ARHGAP45: variants seen among roughly 807,000 people sequenced by gnomAD.
ARHGAP45 encodes the protein rho GTPase-activating protein 45.
In ARHGAP45, 56 loss-of-function variants were observed where a neutral mutation model predicts 116.1. The observed-to-expected ratio is 0.48, with a 90% CI of 0.39 to 0.60. The LOEUF (loss-of-function observed/expected upper bound fraction) is 0.60, where lower values mean the gene tolerates loss of function less well. Among genes scored for constraint, ARHGAP45 ranks in the 20% least tolerant of loss-of-function variants. The pLI, the probability that ARHGAP45 is intolerant of heterozygous loss-of-function variation, is 0.00. For missense variants in ARHGAP45, 1,622 were observed against 1,601.0 expected (o/e 1.01, Z -0.22); for synonymous variants, 866 against 701.7 (o/e 1.23, Z -3.70).
At position 1,069,934 on chromosome 19, in the gene ARHGAP45, T is replaced by G. The variant is rs2043108359; in HGVS notation, c.421+1190T>G. Among the ~76,000 whole-genome samples, 1 of 151,838 alleles carries G rather than the reference T, an allele frequency of 6.6e-6. No individual in the cohort carries two copies. Among genetic ancestry groups the G allele is most frequent in the Admixed American group, 6.6e-5 (1 of 15,234 alleles). Reference sequence around the variant, plus strand: ...TGGGCTCAAGCCATCCTCCTACCTCTGCCTCCCGAGTACCTGAGACTACAG... The same window carrying G: ...TGGGCTCAAGCCATCCTCCTACCTCGGCCTCCCGAGTACCTGAGACTACAG... On this transcript the variant is annotated intron_variant, in intron 2 of 22. Transcript: ENST00000313093. This position sits in a 1 kb window ranked among gnomAD's most constrained non-coding sequence, Gnocchi z 4.1.
Position 1,083,127 on chromosome 19 carries a change from C to T in ARHGAP45, c.2745-16C>T, listed in dbSNP as rs370883332. Reference sequence around the variant, plus strand: ...CCCGGGAGCCGCTCAGCACCTGGCCCCTGCCCACCCCGCAGGATCGTGGAG... The same window carrying T: ...CCCGGGAGCCGCTCAGCACCTGGCCTCTGCCCACCCCGCAGGATCGTGGAG... On this transcript the variant is annotated splice_polypyrimidine_tract_variant and intron_variant, in intron 20 of 22. Coordinates refer to ENST00000313093, the MANE Select transcript of ARHGAP45 (RefSeq NM_012292.5). 5.2e-5 allele frequency: 83 copies of T among 1,597,292 alleles called. 1 individual carries two copies. Among genetic ancestry groups the T allele is most frequent in the Middle Eastern group, 3.3e-4 (2 of 5,984 alleles).
At position 1,071,333 on chromosome 19, in the gene ARHGAP45, C is replaced by T. The variant is rs895011687; in HGVS notation, c.422-1816C>T. The stretch of plus-strand genomic sequence containing the variant: ...CGCACCCGGTGCTGGACGAGGGCCC[C>T]GTGCGCTGCCGGGCGGGCCCCCGAG... On this transcript the variant is annotated intron_variant, in intron 2 of 22. Coordinates refer to ENST00000313093, the MANE Select transcript of ARHGAP45 (RefSeq NM_012292.5). This position sits in a 1 kb window ranked among gnomAD's most constrained non-coding sequence, Gnocchi z 4.6. The T allele has an allele frequency of 2.2e-6, 3 of 1,383,388 alleles. No individual in the cohort carries two copies. The African/African-American group carries it at 4.6e-5, about 21-fold the overall frequency. 85.7% of individuals were successfully genotyped at this position (1,383,388 alleles called of 1,614,324 possible). A position where few individuals can be genotyped will look rare whatever the true frequency, so the allele number is the denominator to read the frequency against.
intron 17 of ARHGAP45, 96 bp downstream of exon 17, chr19:1,081,160 A>C: frequency 1.5e-6 from 2 of 1,362,526 alleles, no homozygotes; most frequent in South Asian, 2.8e-5. Context: ...TGTCCGGCCC[A>C]GAGCAGGGAG....
chr19:1,079,638 GGTTTCTGTCT>G (rs2043367411), intron 11 of ARHGAP45, 55 bp from the exon 12 acceptor site: 30 of 1,570,732 alleles, frequency 1.9e-5, no homozygotes, highest in Non-Finnish European at 2.5e-5. Flanking sequence ...GCCTCCCTGA[GGTTTCTGTCT>G]GAGTCCTGCA....
rs373187546 is a variant in ARHGAP45, at chr19:1,084,222, C to T, written c.2956-16C>T. On this transcript the variant is annotated splice_polypyrimidine_tract_variant and intron_variant, in intron 21 of 22. Coordinates refer to ENST00000313093, the MANE Select transcript of ARHGAP45 (RefSeq NM_012292.5). ...GGAGCCCCGGCCCCTCTATGACTTC[C>T]GTTCTGCACTTGCAGGACGAGTCAT... is the stretch of plus-strand genomic sequence containing the variant. 5.0e-6 allele frequency: 8 copies of T among 1,610,406 alleles called. No individual in the cohort carries two copies. The highest frequency in any genetic ancestry group is 2.7e-5 in the African/African-American group (2 of 74,818).
chr19:1,083,300 G>A lies in ARHGAP45; in HGVS notation c.2902G>A (p.Val968Ile), dbSNP rs752300010. The A allele has an allele frequency of 1.3e-5, 20 of 1,578,106 alleles. No homozygotes were observed. The highest frequency in any genetic ancestry group is 1.6e-5 in the Non-Finnish European group (19 of 1,161,922). The change falls in exon 21 of 23, where the codon GTC (valine) becomes ATC (isoleucine). Residue 968 changes from valine (V) to isoleucine (I), a missense_variant. Coordinates refer to ENST00000313093, the MANE Select transcript of ARHGAP45 (RefSeq NM_012292.5). ...HQARVIETLI[V>I]HYGLVFEEEP... Reference sequence around the variant, plus strand: ...GGCCCGCGTCATCGAGACTCTCATCGTCCACTACGGCCTGGTCTTCGAGGA... The same window carrying A: ...GGCCCGCGTCATCGAGACTCTCATCATCCACTACGGCCTGGTCTTCGAGGA...
chr19:1,067,902 CA>C (rs1157802858), intron 1 of ARHGAP45, among the ~76,000 whole-genome samples: 2 of 145,928 alleles, frequency 1.4e-5, no homozygotes, highest in African/African-American at 2.6e-5. Context: ...TAATGGGATC[CA>C]CCAGGTTCAG....
chr19:1,083,583 C>T (rs2043511920), intron 21 of ARHGAP45, among the ~76,000 whole-genome samples: 1 of 152,220 alleles, frequency 6.6e-6, no homozygotes, highest in Non-Finnish European at 1.5e-5. Context: ...CCCCTCCACT[C>T]TCCCTTGGGG....
intron 2 of ARHGAP45, among the ~76,000 whole-genome samples, chr19:1,070,054 G>A (rs2043110601): frequency 1.3e-5 from 2 of 151,998 alleles, no homozygotes. Context: ...GGAGTGCAGT[G>A]GCGCGATCTC....
intron 15 of ARHGAP45, 45 bp from the exon 16 acceptor site, chr19:1,080,637 G>C (rs1325541512): frequency 1.9e-6 from 3 of 1,601,258 alleles, no homozygotes; most frequent in East Asian, 2.2e-5. Context: ...GATGGAGGGG[G>C]CCCCCCTGGC....
In ARHGAP45 at chr19:1,086,044, T is replaced by TC. The variant is rs754607130; in HGVS notation, c.*38_*39insC. ...CTGGGACCACAGGTGGCTTCTCTCT[T>TC]GCCTGCTCCTGTCCCTCCAGCACGT... is the stretch of plus-strand genomic sequence containing the variant. On this transcript the variant is annotated 3_prime_UTR_variant, in exon 23 of 23. Coordinates refer to ENST00000313093, the MANE Select transcript of ARHGAP45 (RefSeq NM_012292.5). 1.9e-6 allele frequency: 3 copies of TC among 1,551,484 alleles called. No homozygotes were observed. In the Admixed American group the frequency reaches 5.1e-5, roughly 26 times the overall value.
At position 1,077,720 on chromosome 19, in the gene ARHGAP45, A is replaced by AG. The variant is rs1259015892; in HGVS notation, c.1186-134dup. 9.3e-6 allele frequency: 14 copies of AG among 1,511,848 alleles called. 1 individual carries two copies. The South Asian group carries it at 1.7e-4, about 19-fold the overall frequency. 93.7% of individuals were successfully genotyped at this position (1,511,848 alleles called of 1,614,324 possible). On this transcript the variant is annotated intron_variant, in intron 10 of 22. Transcript: ENST00000313093. ...GTTTTTCCGCTGCCGATTGTTGTGCAGGGTCCTCTGCATGCCCAGCTGGGC... is the reference window on the plus strand; with the variant it reads ...GTTTTTCCGCTGCCGATTGTTGTGCAGGGGTCCTCTGCATGCCCAGCTGGGC...
intron 3 of ARHGAP45, 91 bp from the exon 4 acceptor site, chr19:1,073,415 T>TC: frequency 6.4e-7 from 1 of 1,558,376 alleles, no homozygotes. Flanking sequence ...TCCCTCCTGT[T>TC]CCCCCTGGGT....
intron 19 of ARHGAP45, 161 bp from the exon 20 acceptor site, chr19:1,082,679 C>T (rs1188397187): frequency 6.4e-6 from 4 of 621,214 alleles, no homozygotes; most frequent in Non-Finnish European, 1.1e-5. Context: ...AGGGCTCACG[C>T]TGGGCTGGGA....
At chr19:1,066,231 A>C, upstream of ARHGAP45, 5 of 781,032 alleles carry the variant, frequency 6.4e-6, no homozygotes, top group Non-Finnish European at 8.3e-6. Flanking sequence ...GGGTTCTGGA[A>C]GGGGACAGCA....
chr19:1,078,061 G>C lies in ARHGAP45; in HGVS notation c.1374+16G>C. The C allele has an allele frequency of 6.5e-7, 1 of 1,543,144 alleles. No homozygotes were observed. The highest frequency in any genetic ancestry group is 8.8e-7 in the Non-Finnish European group (1 of 1,139,012). On this transcript the variant is annotated intron_variant, in intron 11 of 22. Coordinates refer to ENST00000313093, the MANE Select transcript of ARHGAP45 (RefSeq NM_012292.5). ...CAAGAACAAGGTGAGGGCGGGTGGA[G>C]GCAGGGCTGGAGGTCCCTGGAGGAG...
At position 1,085,804 on chromosome 19, in the gene ARHGAP45, G is replaced by C; in HGVS notation, c.3209G>C (p.Ser1070Thr). Reference sequence around the variant, plus strand: ...GCCAGCCTAGAGGTGGCTTCTGGCAGCCACAGCGGCAGTGAGGAGCAGCTG... The same window carrying C: ...GCCAGCCTAGAGGTGGCTTCTGGCACCCACAGCGGCAGTGAGGAGCAGCTG... ...SEASLEVASGSHSGSEEQLEA... is the reference protein window; with the variant it reads ...SEASLEVASGTHSGSEEQLEA... The change falls in exon 23 of 23, where the codon AGC (serine) becomes ACC (threonine). Residue 1070 changes from serine to threonine, a missense_variant. Around this residue, in one of 3 missense-constraint regions of ARHGAP45, gnomAD observed 1,334 missense variants for 1,263.8 expected, o/e 1.06. Coordinates refer to ENST00000313093, the MANE Select transcript of ARHGAP45 (RefSeq NM_012292.5). 1 of 1,612,858 alleles carries C rather than the reference G, an allele frequency of 6.2e-7. No individual in the cohort carries two copies. The highest frequency in any genetic ancestry group is 8.5e-7 in the Non-Finnish European group (1 of 1,179,906).
Position 1,080,887 on chromosome 19 carries a change from C to G in ARHGAP45, c.2018-5C>G, listed in dbSNP as rs544156633. ...GGTGACACCGGCTGCCTGTGCTGCC[C>G]GCAGCTGACCTCAACGGCATGACCC... On this transcript the variant is annotated splice_polypyrimidine_tract_variant and splice_region_variant and intron_variant, in intron 16 of 22. Coordinates refer to ENST00000313093, the MANE Select transcript of ARHGAP45 (RefSeq NM_012292.5). 124 of 1,607,294 alleles carry G rather than the reference C, an allele frequency of 7.7e-5. No homozygotes were observed. The Middle Eastern group carries it at 1.7e-3, about 21-fold the overall frequency.
chr19:1,079,388 A>C (rs1249120612), intron 11 of ARHGAP45, among the ~76,000 whole-genome samples: 9 of 149,208 alleles, frequency 6.0e-5, no homozygotes, highest in Admixed American at 6.0e-4. Context: ...GGGCACCTGT[A>C]ATCCGTTACT....
Sources: gnomAD v4.1 joint callset for allele counts (sites outside exome capture counted in the v4.1 genomes callset) on GRCh38, gnomAD v4.1.1 for gene constraint, gnomAD v4.1.1 regional missense constraint, Gnocchi (gnomAD v3.1) non-coding constraint, MANE v1.5 for transcripts, NCBI Gene and HGNC (gene_info 2026-07-23, HGNC 2026-07-21) for gene names.